RABGEF1: variants seen among roughly 807,000 people sequenced by gnomAD.
The protein encoded by RABGEF1 is rab5 GDP/GTP exchange factor.
In RABGEF1, 26 loss-of-function variants were observed where a neutral mutation model predicts 57.3. The ratio of observed to expected loss-of-function variants is 0.45; its 90% CI spans 0.33 to 0.63. The LOEUF (loss-of-function observed/expected upper bound fraction) is 0.63. Among genes scored for constraint, RABGEF1 ranks in the 20% least tolerant of loss-of-function variants. The probability of loss-of-function intolerance (pLI) is 0.02; values close to 1 mark genes in which losing one functional copy is unlikely to be tolerated. For missense variants in RABGEF1, 464 were observed against 607.6 expected, an observed-to-expected ratio of 0.76 and a Z score of 2.48; for synonymous variants, 185 against 210.7, an observed-to-expected ratio of 0.88 and a Z score of 1.06.
rs139013947 is a variant in RABGEF1 at position 66,766,245 on chromosome 7, G to C, written c.-17-5638G>C. The stretch of plus-strand genomic sequence containing the variant: ...TATTGCTTGAGCTCGGGAAGTCAAG[G>C]CTGCAGTGAGCTGTGATCACGCCAC... On this transcript the variant is annotated intron_variant, in intron 1 of 8. Coordinates refer to ENST00000284957, the MANE Select transcript of RABGEF1 (RefSeq NM_014504.3). 8.2e-3 allele frequency among the ~76,000 whole-genome samples: 1,246 copies of C among 151,338 alleles called. 13 individuals carry two copies. The highest frequency in any genetic ancestry group is 0.027 in the African/African-American group (1,126 of 41,140).
intron 2 of RABGEF1, among the ~76,000 whole-genome samples, chr7:66,730,840 A>G (rs1178886355): frequency 6.6e-6 from 1 of 152,056 alleles, no homozygotes; most frequent in Non-Finnish European, 1.5e-5. Context: ...TACAGGTGTG[A>G]GCCACCGTGC....
At chr7:66,683,200 A>C (rs1047373427) in intron 1 of RABGEF1, among the ~76,000 whole-genome samples, 26 of 151,646 alleles carry the variant, frequency 1.7e-4, no homozygotes, top group Non-Finnish European at 1.3e-4. Flanking sequence ...CAGGTGTCAA[A>C]CTCCTGGCCT....
the RABGEF1 span, among the ~76,000 whole-genome samples, chr7:66,655,735 A>T: frequency 6.6e-6 from 1 of 152,226 alleles, no homozygotes; most frequent in African/African-American, 2.4e-5. Context: ...GATGCAAGAA[A>T]ATGTGATTAT....
chr7:66,699,216 C>T (rs1792833972), intron 1 of RABGEF1, among the ~76,000 whole-genome samples: 1 of 152,188 alleles, frequency 6.6e-6, no homozygotes, highest in African/African-American at 2.4e-5. Flanking sequence ...GAGCTAGGGA[C>T]CCATGTCCAG....
chr7:66,681,395 T>C (rs1294945451), upstream of RABGEF1, among the ~76,000 whole-genome samples: 1 of 34,060 alleles, frequency 2.9e-5, no homozygotes, highest in African/African-American at 2.3e-4. Flanking sequence ...CAGTTACGCT[T>C]TTTTTTTTTT....
At chr7:66,700,046 G>T (rs1185464458) in intron 1 of RABGEF1, among the ~76,000 whole-genome samples, 1 of 152,162 alleles carries the variant, frequency 6.6e-6, no homozygotes, top group Non-Finnish European at 1.5e-5. Flanking sequence ...GCAAACCAGG[G>T]ACCCCCAAGT....
intron 1 of RABGEF1, among the ~76,000 whole-genome samples, chr7:66,762,570 C>A (rs547783322): frequency 6.6e-6 from 1 of 151,312 alleles, no homozygotes; most frequent in African/African-American, 2.4e-5. Context: ...GTCTAGGTGA[C>A]AGGGTGAGAC....
chr7:66,733,507 G>C (rs1342914393), intron 2 of RABGEF1, among the ~76,000 whole-genome samples: 1 of 151,944 alleles, frequency 6.6e-6, no homozygotes, highest in East Asian at 1.9e-4. Flanking sequence ...AACCAGACTG[G>C]CCAACATGGT....
intron 2 of RABGEF1, among the ~76,000 whole-genome samples, chr7:66,733,832 G>A (rs928825944): frequency 1.3e-5 from 2 of 151,968 alleles, no homozygotes; most frequent in African/African-American, 2.4e-5. Context: ...GTGAAACCCC[G>A]TCTCTACCAA....
chr7:66,787,200 C>CA (rs1168344830), intron 4 of RABGEF1, among the ~76,000 whole-genome samples: 2 of 140,448 alleles, frequency 1.4e-5, no homozygotes, highest in East Asian at 4.0e-4. Flanking sequence ...ATAATTTTTA[C>CA]TTTTTTTTTT....
chr7:66,676,229 G>A, the RABGEF1 span, among the ~76,000 whole-genome samples: 3 of 152,212 alleles, frequency 2.0e-5, no homozygotes, highest in South Asian at 6.2e-4. Flanking sequence ...GTTGCAGTGA[G>A]CCAAGATTGT....
At chr7:66,670,772 G>T in the RABGEF1 span, among the ~76,000 whole-genome samples, 1 of 151,954 alleles carries the variant, frequency 6.6e-6, no homozygotes, top group Non-Finnish European at 1.5e-5. Context: ...CTTGAACCCG[G>T]GAAGCAGAGG....
intron 2 of RABGEF1, among the ~76,000 whole-genome samples, chr7:66,734,309 A>T (rs1036192241): frequency 2.0e-5 from 3 of 152,144 alleles, no homozygotes; most frequent in Non-Finnish European, 4.4e-5. Flanking sequence ...GGGGCAGCCT[A>T]GAGCATAGGA....
intron 1 of RABGEF1, among the ~76,000 whole-genome samples, chr7:66,762,313 G>T (rs1178426974): frequency 6.6e-6 from 1 of 152,120 alleles, no homozygotes; most frequent in Admixed American, 6.5e-5. Flanking sequence ...CATGGAGGCT[G>T]GGTGCAGTGG....
At chr7:66,746,686 C>T (rs979810725) in intron 1 of RABGEF1, among the ~76,000 whole-genome samples, 17 of 144,116 alleles carry the variant, frequency 1.2e-4, no homozygotes, top group Non-Finnish European at 2.2e-4. Flanking sequence ...TGTGGTGGCA[C>T]GATCTCTACT....
chr7:66,688,017 A>T (rs1487601417), intron 1 of RABGEF1, among the ~76,000 whole-genome samples: 1 of 148,818 alleles, frequency 6.7e-6, no homozygotes, highest in Non-Finnish European at 1.5e-5. Context: ...CCCAGGAGGC[A>T]GAGGTTGCAG....
chr7:66,740,999 GCTCCCTT>G (rs1798794686), intron 1 of RABGEF1, among the ~76,000 whole-genome samples: 1 of 152,146 alleles, frequency 6.6e-6, no homozygotes, highest in Non-Finnish European at 1.5e-5. Context: ...GCCGCCCTCG[GCTCCCTT>G]AATCCTCAGA....
At chr7:66,781,346 A>T (rs974913280) in intron 3 of RABGEF1, among the ~76,000 whole-genome samples, 2 of 152,240 alleles carry the variant, frequency 1.3e-5, no homozygotes, top group African/African-American at 2.4e-5. Flanking sequence ...GGGAATTTTT[A>T]AATGTAATTT....
At chr7:66,764,233 A>G (rs192924426) in intron 1 of RABGEF1, among the ~76,000 whole-genome samples, 1 of 152,318 alleles carries the variant, frequency 6.6e-6, no homozygotes, top group East Asian at 1.9e-4. Flanking sequence ...ATGATGTGGA[A>G]CATCTTTTCA....
Sources: gnomAD v4.1 joint callset for allele counts (sites outside exome capture counted in the v4.1 genomes callset) on GRCh38, gnomAD v4.1.1 for gene constraint, MANE v1.5 for transcripts, NCBI Gene and HGNC (gene_info 2026-07-23, HGNC 2026-07-21) for gene names.